The following RAB11FIP4 variants were observed in gnomAD, a reference collection of about 807,000 sequenced individuals.
RAB11FIP4 encodes RAB11 family interacting protein 4.
Under a neutral mutation model 74.3 loss-of-function variants are expected in RAB11FIP4, and 23 were observed. That is an observed-to-expected ratio of 0.31 (90% CI 0.22 to 0.44). The LOEUF is 0.44. Ranked by LOEUF, RAB11FIP4 falls within the 20% of genes least tolerant of loss-of-function variation. The probability of loss-of-function intolerance (pLI) is 1.00; values close to 1 mark genes in which losing one functional copy is unlikely to be tolerated. For synonymous variants in RAB11FIP4, 360 were observed against 359.9 expected, an observed-to-expected ratio of 1.00 and a Z score of 0.00; for missense variants, 630 against 863.9, an observed-to-expected ratio of 0.73 and a Z score of 3.39.
chr17:31,489,495 G>T (rs560671231), intron 3 of RAB11FIP4, among the ~76,000 whole-genome samples: 1 of 152,158 alleles, frequency 6.6e-6, no homozygotes, highest in South Asian at 2.1e-4. Flanking sequence ...TTTGACTGGG[G>T]TCTCCCCCAG....
chr17:31,431,172 G>A (rs1465960791), intron 1 of RAB11FIP4, among the ~76,000 whole-genome samples: 1 of 152,184 alleles, frequency 6.6e-6, no homozygotes, highest in Non-Finnish European at 1.5e-5. Flanking sequence ...GGCAGAATGT[G>A]TTACAGCCAC....
Position 31,528,563 on chromosome 17 carries a change from G to C in RAB11FIP4, c.1494+20G>C. On this transcript the variant is annotated intron_variant, in intron 12 of 14. Coordinates refer to ENST00000621161, the MANE Select transcript of RAB11FIP4 (RefSeq NM_032932.6). ...CAGGAGGTAGGTCCCAGGCCAGCAG[G>C]CACCAGGGCTCCTTCCAGCATCCCT... 6.2e-7 allele frequency: 1 copy of C among 1,613,550 alleles called. No individual in the cohort carries two copies. The highest frequency in any genetic ancestry group is 8.5e-7 in the Non-Finnish European group (1 of 1,179,860).
chr17:31,503,897 C>G (rs189042055), intron 3 of RAB11FIP4, among the ~76,000 whole-genome samples: 1 of 149,398 alleles, frequency 6.7e-6, no homozygotes, highest in African/African-American at 2.6e-5. Flanking sequence ...GCAAAAGATC[C>G]GAATAGACAT....
At chr17:31,522,288 T>A (rs2072682359) in intron 6 of RAB11FIP4, 72 bp from the exon 7 acceptor site, 1 of 1,512,038 alleles carries the variant, frequency 6.6e-7, no homozygotes, top group Non-Finnish European at 9.1e-7. Flanking sequence ...CTGTGGTGTC[T>A]TACAGCTAGG....
intron 1 of RAB11FIP4, among the ~76,000 whole-genome samples, chr17:31,394,948 G>A (rs1199530392): frequency 7.6e-6 from 1 of 131,476 alleles, no homozygotes; most frequent in African/African-American, 2.8e-5. Flanking sequence ...CGGGGGGGGG[G>A]GGCTCCCTTA....
intron 1 of RAB11FIP4, among the ~76,000 whole-genome samples, chr17:31,407,614 T>G (rs1241886500): frequency 6.6e-6 from 1 of 152,214 alleles, no homozygotes; most frequent in African/African-American, 2.4e-5. Flanking sequence ...TCCAGGCCAG[T>G]TGTCCTATAG....
chr17:31,423,368 G>C (rs563397655), intron 1 of RAB11FIP4, among the ~76,000 whole-genome samples: 1 of 151,440 alleles, frequency 6.6e-6, no homozygotes, highest in Non-Finnish European at 1.5e-5. Flanking sequence ...TTCTTTGTTT[G>C]TTTATTCGTT....
chr17:31,499,458 C>T (rs1032584532), intron 3 of RAB11FIP4, among the ~76,000 whole-genome samples: 5 of 152,110 alleles, frequency 3.3e-5, no homozygotes, highest in Admixed American at 6.5e-5. Context: ...CTGGTTCAAG[C>T]GATTCTCCTG....
chr17:31,405,294 G>T (rs2071032194), intron 1 of RAB11FIP4, among the ~76,000 whole-genome samples: 1 of 152,122 alleles, frequency 6.6e-6, no homozygotes, highest in Non-Finnish European at 1.5e-5. Flanking sequence ...CCCAGCGCAG[G>T]TGGCACTCAT....
intron 4 of RAB11FIP4, chr17:31,518,350 C>CCA (rs2072598395): frequency 8.0e-6 from 1 of 125,102 alleles, no homozygotes. Context: ...GATCAAGACC[C>CCA]TGTCTCAAAA....
chr17:31,435,183 C>T (rs1397147459), intron 3 of RAB11FIP4, among the ~76,000 whole-genome samples: 1 of 152,168 alleles, frequency 6.6e-6, no homozygotes, highest in Admixed American at 6.5e-5. Flanking sequence ...GGGCCAGACT[C>T]ATCTCCAAAA....
chr17:31,502,381 C>A lies in RAB11FIP4; in HGVS notation c.337-15270C>A, dbSNP rs140300058. On this transcript the variant is annotated intron_variant, in intron 3 of 14. Transcript: ENST00000621161. ...ATCACTTGAGGTCAGGAGTTCAAGA[C>A]CAGCCTGGCCAATATGGTGAAACCC... is the stretch of plus-strand genomic sequence containing the variant. 9.8e-3 allele frequency among the ~76,000 whole-genome samples: 1,494 copies of A among 151,718 alleles called. 10 individuals are homozygous for A. Among genetic ancestry groups the A allele is most frequent in the Non-Finnish European group, 0.014 (966 of 67,926 alleles).
intron 3 of RAB11FIP4, among the ~76,000 whole-genome samples, chr17:31,482,391 A>G (rs1013634786): frequency 1.3e-5 from 2 of 152,036 alleles, no homozygotes; most frequent in Non-Finnish European, 1.5e-5. Flanking sequence ...CCAGTTCAAG[A>G]CTAGCCTGGC....
At chr17:31,457,444 A>G (rs2071589293) in intron 3 of RAB11FIP4, among the ~76,000 whole-genome samples, 2 of 151,610 alleles carry the variant, frequency 1.3e-5, no homozygotes, top group Non-Finnish European at 2.9e-5. Flanking sequence ...CTTCTCCTCA[A>G]AGGGGTCCCC....
chr17:31,505,597 TATA>T (rs2072322701), intron 3 of RAB11FIP4, among the ~76,000 whole-genome samples: 1 of 66,114 alleles, frequency 1.5e-5, no homozygotes, highest in Non-Finnish European at 2.6e-5. Context: ...AATTATATAT[TATA>T]TAATAATAAT....
chr17:31,522,078 G>A (rs1207120587), intron 6 of RAB11FIP4, 29 bp downstream of exon 6: 13 of 1,613,420 alleles, frequency 8.1e-6, no homozygotes, highest in Non-Finnish European at 1.0e-5. Flanking sequence ...TGGGGGGTGA[G>A]AGGCCGGGGG....
chr17:31,436,857 G>A (rs966768655), intron 3 of RAB11FIP4, among the ~76,000 whole-genome samples: 1 of 150,488 alleles, frequency 6.6e-6, no homozygotes, highest in African/African-American at 2.4e-5. Context: ...GTGCAATCTC[G>A]GTTCACTGCA....
chr17:31,442,088 T>A (rs913618469), intron 3 of RAB11FIP4, among the ~76,000 whole-genome samples: 5 of 151,770 alleles, frequency 3.3e-5, no homozygotes, highest in African/African-American at 9.7e-5. Context: ...AAGCTCCGCC[T>A]CCTGGGTTCA....
chr17:31,507,219 C>T (rs977922535), intron 3 of RAB11FIP4, among the ~76,000 whole-genome samples: 6 of 152,236 alleles, frequency 3.9e-5, no homozygotes, highest in Admixed American at 2.6e-4. Context: ...GTGGAGGTTG[C>T]AGTGAGCCAA....
Sources: gnomAD v4.1 joint callset for allele counts (sites outside exome capture counted in the v4.1 genomes callset) on GRCh38, gnomAD v4.1.1 for gene constraint, MANE v1.5 for transcripts, NCBI Gene and HGNC (gene_info 2026-07-23, HGNC 2026-07-21) for gene names.